Variants in RALYL observed in about 807,000 individuals in gnomAD.
The protein encoded by RALYL is RALY RNA binding protein like, also known as RNA-binding Raly-like protein.
In RALYL, 29 loss-of-function variants were observed where a neutral mutation model predicts 35.1. The ratio of observed to expected loss-of-function variants is 0.83; its 90% CI spans 0.61 to 1.13. The LOEUF (loss-of-function observed/expected upper bound fraction) is 1.13. RALYL is among the 50% of genes most tolerant of loss of function. The pLI is 0.00. For synonymous variants in RALYL, 120 were observed against 127.6 expected (o/e 0.94, Z 0.40); for missense variants, 359 against 360.4 (o/e 1.00, Z 0.03).
intron 3 of RALYL, among the ~76,000 whole-genome samples, chr8:84,800,855 T>C (rs4739692): frequency 0.68 from 103,793 of 151,888 alleles, 36,729 homozygotes; most frequent in East Asian, 0.87. Context: ...TTCATACATT[T>C]CAAGCAGTTT....
At position 84,240,530 on chromosome 8, in the gene RALYL, T is replaced by C. The variant is rs189126636; in HGVS notation, c.-24+56106T>C. On this transcript the variant is annotated intron_variant, in intron 1 of 8. Transcript: ENST00000521268. Reference sequence around the variant, plus strand: ...AGGGAACTTTCATTCTTCAAGATGATAGAAGAAATGTCACAAGGTGAAATA... The same window carrying C: ...AGGGAACTTTCATTCTTCAAGATGACAGAAGAAATGTCACAAGGTGAAATA... 3.9e-5 allele frequency among the ~76,000 whole-genome samples: 6 copies of C among 152,290 alleles called. No individual in the cohort carries two copies. In the East Asian group the frequency reaches 1.2e-3, roughly 29 times the overall value.
intron 2 of RALYL, among the ~76,000 whole-genome samples, chr8:84,582,408 A>G (rs889342427): frequency 3.9e-5 from 6 of 152,068 alleles, no homozygotes; most frequent in African/African-American, 1.4e-4. Flanking sequence ...AATGAATCAT[A>G]CCATATTGGA....
At chr8:84,571,473 A>T (rs1807972240) in intron 2 of RALYL, among the ~76,000 whole-genome samples, 1 of 151,594 alleles carries the variant, frequency 6.6e-6, no homozygotes, top group Non-Finnish European at 1.5e-5. Flanking sequence ...CACCTTTATA[A>T]TTTCTAATTG....
At chr8:84,827,736 G>C (rs748938505) in intron 4 of RALYL, among the ~76,000 whole-genome samples, 2 of 151,888 alleles carry the variant, frequency 1.3e-5, no homozygotes, top group Non-Finnish European at 2.9e-5. Context: ...TCCATTTTCT[G>C]ATGAAAATGT....
At chr8:84,573,868 A>G (rs944643952) in intron 2 of RALYL, among the ~76,000 whole-genome samples, 2 of 151,620 alleles carry the variant, frequency 1.3e-5, no homozygotes, top group African/African-American at 4.8e-5. Flanking sequence ...TTTTTCTTTT[A>G]TATACTTTTC....
At chr8:84,675,506 TGAG>T (rs2131881428) in intron 2 of RALYL, among the ~76,000 whole-genome samples, 1 of 152,294 alleles carries the variant, frequency 6.6e-6, no homozygotes. Context: ...AGTTTATACT[TGAG>T]GAATATTTTC....
Position 84,838,486 on chromosome 8 carries a change from T to C in RALYL, c.366-11494T>C, listed in dbSNP as rs543183518. ...TTATGACCTGAGCCAACTACTGCCATGACATTTCTGCTAAAAGCCCAAACC... is the reference window on the plus strand; with the variant it reads ...TTATGACCTGAGCCAACTACTGCCACGACATTTCTGCTAAAAGCCCAAACC... On this transcript the variant is annotated intron_variant, in intron 4 of 8. Coordinates refer to ENST00000521268, the MANE Select transcript of RALYL (RefSeq NM_173848.7). 2.6e-5 allele frequency among the ~76,000 whole-genome samples: 4 copies of C among 152,342 alleles called. No individual in the cohort carries two copies. The East Asian group carries it at 5.8e-4, about 22-fold the overall frequency.
At chr8:84,688,951 G>A (rs894352320) in intron 2 of RALYL, among the ~76,000 whole-genome samples, 3 of 151,582 alleles carry the variant, frequency 2.0e-5, no homozygotes, top group African/African-American at 7.3e-5. Context: ...AGGGCCAACA[G>A]GTATACGAAA....
rs184360028 is a variant in RALYL, at chr8:84,615,550, C to A, written c.256+85973C>A. Among the ~76,000 whole-genome samples the A allele has an allele frequency of 1.6e-3, 230 of 143,434 alleles. 6 individuals carry two copies. Among genetic ancestry groups the A allele is most frequent in the African/African-American group, 5.3e-3 (204 of 38,240 alleles). The allele number at this position is 143,434 out of a possible 152,430, so 94.1% of individuals were successfully genotyped here. A position where few individuals can be genotyped will look rare whatever the true frequency, so the allele number is the denominator to read the frequency against. On this transcript the variant is annotated intron_variant, in intron 2 of 8. Coordinates refer to ENST00000521268, the MANE Select transcript of RALYL (RefSeq NM_173848.7). The stretch of plus-strand genomic sequence containing the variant: ...TATAAGTCAATACGTTCTAAGAGAG[C>A]CTGACTATAGAACTTTCGTCTTTTT...
At chr8:84,675,988 T>C (rs904559077) in intron 2 of RALYL, among the ~76,000 whole-genome samples, 3 of 152,228 alleles carry the variant, frequency 2.0e-5, no homozygotes, top group African/African-American at 7.2e-5. Context: ...GATGTGTTAA[T>C]TAGTGTAATG....
intron 2 of RALYL, among the ~76,000 whole-genome samples, chr8:84,534,148 G>A (rs956999095): frequency 1.3e-5 from 2 of 152,200 alleles, no homozygotes; most frequent in African/African-American, 2.4e-5. Context: ...CATCAGCCTT[G>A]CTTAGAGCTA....
At chr8:84,263,299 C>A (rs1340920000) in intron 1 of RALYL, among the ~76,000 whole-genome samples, 4 of 152,144 alleles carry the variant, frequency 2.6e-5, no homozygotes, top group Non-Finnish European at 5.9e-5. Flanking sequence ...GAACAGTTGT[C>A]TGTCATACTT....
At chr8:84,424,189 A>C (rs2046050173) in intron 1 of RALYL, among the ~76,000 whole-genome samples, 1 of 149,934 alleles carries the variant, frequency 6.7e-6, no homozygotes, top group Admixed American at 6.6e-5. Flanking sequence ...AGGTACACCA[A>C]TCAGACGTAG....
rs533923468 is a variant in RALYL at position 84,830,549 on chromosome 8, A to G, written c.366-19431A>G. 2.5e-4 allele frequency among the ~76,000 whole-genome samples: 38 copies of G among 152,344 alleles called. No homozygotes were observed. In the South Asian group the frequency reaches 6.8e-3, roughly 27 times the overall value. On this transcript the variant is annotated intron_variant, in intron 4 of 8. Transcript: ENST00000521268. Reference sequence around the variant, plus strand: ...GGAAGAATGAAAAAAGTAGACCATTATAAGTGCCAAGTAAACAATGATTGT... The same window carrying G: ...GGAAGAATGAAAAAAGTAGACCATTGTAAGTGCCAAGTAAACAATGATTGT...
chr8:84,587,012 C>G (rs923159074), intron 2 of RALYL, among the ~76,000 whole-genome samples: 1 of 152,142 alleles, frequency 6.6e-6, no homozygotes, highest in African/African-American at 2.4e-5. Context: ...ACACAACATT[C>G]AGTAACTTCA....
intron 1 of RALYL, among the ~76,000 whole-genome samples, chr8:84,288,372 T>C (rs2132181741): frequency 6.6e-6 from 1 of 152,292 alleles, no homozygotes; most frequent in Admixed American, 6.5e-5. Flanking sequence ...TGAAAATATC[T>C]GTCATGTCAT....
At chr8:84,682,631 G>T (rs1358458280) in intron 2 of RALYL, among the ~76,000 whole-genome samples, 1 of 152,138 alleles carries the variant, frequency 6.6e-6, no homozygotes. Flanking sequence ...TTTGTGTAGA[G>T]GTGTTTATAG....
chr8:84,257,004 A>G (rs1427820785), intron 1 of RALYL, among the ~76,000 whole-genome samples: 1 of 151,980 alleles, frequency 6.6e-6, no homozygotes, highest in Non-Finnish European at 1.5e-5. Context: ...TACTTATTAA[A>G]CAAATATAAC....
chr8:84,556,528 C>T (rs940361023), intron 2 of RALYL, among the ~76,000 whole-genome samples: 1 of 152,144 alleles, frequency 6.6e-6, no homozygotes, highest in African/African-American at 2.4e-5. Context: ...AACAAAAACA[C>T]ATCTTTATTA....
Sources: gnomAD v4.1 joint callset for allele counts (sites outside exome capture counted in the v4.1 genomes callset) on GRCh38, gnomAD v4.1.1 for gene constraint, MANE v1.5 for transcripts, NCBI Gene and HGNC (gene_info 2026-07-23, HGNC 2026-07-21) for gene names.